The following RAB33B variants were observed in gnomAD, a reference collection of about 807,000 sequenced individuals.
The protein encoded by RAB33B is RAB33B, member RAS oncogene family.
In RAB33B, 6 loss-of-function variants were observed where a neutral mutation model predicts 15.0. The observed-to-expected ratio is 0.40, with a 90% CI of 0.22 to 0.79. The LOEUF (loss-of-function observed/expected upper bound fraction) is 0.79, where lower values mean the gene tolerates loss of function less well. Ranked by LOEUF, RAB33B falls within the 30% of genes least tolerant of loss-of-function variation. The pLI is 0.37. For synonymous variants in RAB33B, 117 were observed against 108.3 expected (o/e 1.08, Z -0.50); for missense variants, 257 against 296.4 (o/e 0.87, Z 0.98).
At chr4:139,462,333 G>T (rs550739825) in intron 1 of RAB33B, among the ~76,000 whole-genome samples, 1 of 152,190 alleles carries the variant, frequency 6.6e-6, no homozygotes, top group East Asian at 1.9e-4. Flanking sequence ...GATTACAGGC[G>T]TGAGCCACCG....
chr4:139,450,356 T>C (rs62323106), upstream of RAB33B: 14,124 of 152,328 alleles, frequency 0.093, 825 homozygotes, highest in Admixed American at 0.15. Flanking sequence ...GCCAATGCCA[T>C]ACTTCTCAGG....
At chr4:139,440,726 C>T in the RAB33B span, among the ~76,000 whole-genome samples, 3 of 151,998 alleles carry the variant, frequency 2.0e-5, no homozygotes, top group Admixed American at 6.6e-5. Context: ...GGTTCTCCTG[C>T]CTCAGCCTCC....
chr4:139,440,798 G>C, the RAB33B span, among the ~76,000 whole-genome samples: 1 of 152,094 alleles, frequency 6.6e-6, no homozygotes, highest in African/African-American at 2.4e-5. Flanking sequence ...TTTTCGTAGA[G>C]ACGGATTTTG....
At chr4:139,445,595 G>A in the RAB33B span, among the ~76,000 whole-genome samples, 3 of 152,160 alleles carry the variant, frequency 2.0e-5, no homozygotes, top group African/African-American at 7.2e-5. Flanking sequence ...GAGGAACAAC[G>A]CCTAGTGGGC....
chr4:139,441,448 A>G, the RAB33B span, among the ~76,000 whole-genome samples: 4 of 152,244 alleles, frequency 2.6e-5, no homozygotes, highest in Non-Finnish European at 5.9e-5. Flanking sequence ...GACTCAGGCT[A>G]TGACAGTGTC....
At chr4:139,472,278 C>G (rs1395421349) in intron 1 of RAB33B, among the ~76,000 whole-genome samples, 1 of 151,970 alleles carries the variant, frequency 6.6e-6, no homozygotes. Flanking sequence ...CAACATCTTT[C>G]CTAGGTTTAA....
the RAB33B span, among the ~76,000 whole-genome samples, chr4:139,447,682 T>C: frequency 6.9e-6 from 1 of 145,282 alleles, no homozygotes; most frequent in Non-Finnish European, 1.5e-5. Flanking sequence ...TTTTTTTTTT[T>C]TTGAGACAGA....
At chr4:139,448,801 G>C (rs922105521), upstream of RAB33B, 1 of 152,212 alleles carries the variant, frequency 6.6e-6, no homozygotes, top group Non-Finnish European at 1.5e-5. Context: ...AGTGTTTGTA[G>C]AGTATGTGTG....
chr4:139,449,493 G>C (rs1749882902), upstream of RAB33B: 1 of 152,134 alleles, frequency 6.6e-6, no homozygotes, highest in Non-Finnish European at 1.5e-5. Context: ...GGGAAAGGCA[G>C]ACCCACCCTT....
chr4:139,444,693 A>G, the RAB33B span, among the ~76,000 whole-genome samples: 1 of 152,180 alleles, frequency 6.6e-6, no homozygotes, highest in Non-Finnish European at 1.5e-5. Flanking sequence ...TAATTAATGA[A>G]GTTTTAGCTC....
rs1750013837 is a variant in RAB33B, at chr4:139,454,159, T to G, written c.-37T>G. 1 of 1,579,648 alleles carries G rather than the reference T, an allele frequency of 6.3e-7. No individual in the cohort carries two copies. ...CGTAATCTCTCAGCCTTTCTGTGTC[T>G]CCTTTCCTCCGCCTCAGTTTGGGGC... On this transcript the variant is annotated 5_prime_UTR_variant, in exon 1 of 2. Coordinates refer to ENST00000305626, the MANE Select transcript of RAB33B (RefSeq NM_031296.3).
chr4:139,467,111 G>A (rs1002998486), intron 1 of RAB33B, among the ~76,000 whole-genome samples: 3 of 150,496 alleles, frequency 2.0e-5, no homozygotes, highest in Non-Finnish European at 4.4e-5. Context: ...TGGGACTATG[G>A]GCACCTGCCA....
At chr4:139,457,030 T>C (rs1488984489) in intron 1 of RAB33B, among the ~76,000 whole-genome samples, 4 of 152,216 alleles carry the variant, frequency 2.6e-5, no homozygotes, top group Non-Finnish European at 4.4e-5. Flanking sequence ...CTCTATTACT[T>C]TACTAGTAAA....
At chr4:139,466,989 G>A (rs1480632192) in intron 1 of RAB33B, among the ~76,000 whole-genome samples, 1 of 76,394 alleles carries the variant, frequency 1.3e-5, no homozygotes, top group Non-Finnish European at 3.0e-5. Flanking sequence ...TTTTTTTTGA[G>A]GCAGGGTCTT....
At chr4:139,459,520 G>T (rs993696913) in intron 1 of RAB33B, among the ~76,000 whole-genome samples, 1 of 152,012 alleles carries the variant, frequency 6.6e-6, no homozygotes, top group East Asian at 1.9e-4. Flanking sequence ...ACCTTTAGAT[G>T]ATTTCTATCT....
At chr4:139,459,294 A>T (rs1170894439) in intron 1 of RAB33B, among the ~76,000 whole-genome samples, 1 of 152,006 alleles carries the variant, frequency 6.6e-6, no homozygotes, top group Non-Finnish European at 1.5e-5. Flanking sequence ...AAAATCAGCC[A>T]AGTACGGTGG....
At chr4:139,439,781 C>CT in the RAB33B span, among the ~76,000 whole-genome samples, 1 of 152,186 alleles carries the variant, frequency 6.6e-6, no homozygotes, top group African/African-American at 2.4e-5. Context: ...TTTTCTGACT[C>CT]TTTCTTCTAA....
At chr4:139,461,163 A>G (rs1750164576) in intron 1 of RAB33B, among the ~76,000 whole-genome samples, 1 of 152,202 alleles carries the variant, frequency 6.6e-6, no homozygotes, top group Non-Finnish European at 1.5e-5. Flanking sequence ...CTACATGCCC[A>G]TTCCTAAACT....
intron 1 of RAB33B, 108 bp downstream of exon 1, chr4:139,454,552 T>A: frequency 7.8e-7 from 1 of 1,274,314 alleles, no homozygotes; most frequent in Non-Finnish European, 1.1e-6. Flanking sequence ...CATTTTTTTC[T>A]CACGCTGATG....
Sources: gnomAD v4.1 joint callset for allele counts (sites outside exome capture counted in the v4.1 genomes callset) on GRCh38, gnomAD v4.1.1 for gene constraint, MANE v1.5 for transcripts, NCBI Gene and HGNC (gene_info 2026-07-23, HGNC 2026-07-21) for gene names.